POC1B: variants seen among roughly 807,000 people sequenced by gnomAD.
POC1B encodes the protein POC1 centriolar protein B.
A neutral mutation model predicts 60.6 loss-of-function variants in POC1B; 44 were observed. The ratio of observed to expected loss-of-function variants is 0.73; its 90% CI spans 0.57 to 0.93. The LOEUF is 0.93. Ranked by LOEUF, POC1B falls within the 40% of genes least tolerant of loss-of-function variation. The probability of loss-of-function intolerance (pLI) is 0.00; values close to 1 mark genes in which losing one functional copy is unlikely to be tolerated. For synonymous variants in POC1B, 180 were observed against 198.9 expected, an observed-to-expected ratio of 0.90 and a Z score of 0.80; for missense variants, 555 against 572.3, an observed-to-expected ratio of 0.97 and a Z score of 0.31.
intron 2 of POC1B, among the ~76,000 whole-genome samples, chr12:89,508,793 G>C (rs567600752): frequency 2.0e-5 from 3 of 152,326 alleles, no homozygotes; most frequent in Admixed American, 2.0e-4. Context: ...TTTATAAGGA[G>C]CTTCCCCACC....
chr12:89,525,523 G>C, intron 1 of POC1B: 1 of 1,307,762 alleles, frequency 7.6e-7, no homozygotes, highest in Middle Eastern at 2.9e-4. Context: ...AAGGCAGGCA[G>C]GTGCGAGGAT....
intron 4 of POC1B, among the ~76,000 whole-genome samples, chr12:89,487,935 C>T (rs1207710455): frequency 5.8e-5 from 4 of 69,064 alleles, no homozygotes; most frequent in Admixed American, 4.9e-4. Flanking sequence ...CATTTTATAA[C>T]TATTTAGTAT....
downstream of POC1B, among the ~76,000 whole-genome samples, chr12:89,417,293 C>G (rs1880379937): frequency 6.6e-6 from 1 of 152,146 alleles, no homozygotes; most frequent in South Asian, 2.1e-4. Context: ...TGGTCATATC[C>G]TAGGAAGACC....
chr12:89,500,565 C>T (rs911702140), intron 2 of POC1B: 7 of 1,605,994 alleles, frequency 4.4e-6, no homozygotes, highest in Non-Finnish European at 6.0e-6. Context: ...TCTGTTGGCT[C>T]ACCTTCTGTT....
chr12:89,501,371 G>A (rs1057132507), intron 2 of POC1B: 1 of 1,034,376 alleles, frequency 9.7e-7, no homozygotes, highest in African/African-American at 1.6e-5. Flanking sequence ...AAACAGAGAA[G>A]AAAATTTATG....
chr12:89,463,979 G>A (rs765792203), intron 9 of POC1B, among the ~76,000 whole-genome samples: 28 of 152,140 alleles, frequency 1.8e-4, no homozygotes, highest in Non-Finnish European at 3.5e-4. Flanking sequence ...CAATTCAGAT[G>A]AGTCTCATAG....
At chr12:89,402,945 C>T in the POC1B span, among the ~76,000 whole-genome samples, 3 of 151,990 alleles carry the variant, frequency 2.0e-5, no homozygotes, top group Non-Finnish European at 4.4e-5. Context: ...TCTGGAACTT[C>T]TGCCTCTGCC....
chr12:89,501,872 G>A, intron 2 of POC1B: 1 of 1,200,140 alleles, frequency 8.3e-7, no homozygotes, highest in Non-Finnish European at 1.2e-6. Flanking sequence ...GACAGCCAAA[G>A]AGTACAGAAG....
At chr12:89,450,253 G>A (rs1230315713) in intron 10 of POC1B, among the ~76,000 whole-genome samples, 1 of 151,874 alleles carries the variant, frequency 6.6e-6, no homozygotes, top group African/African-American at 2.4e-5. Flanking sequence ...TGTCGCCTGG[G>A]CTGGAGTGCA....
At chr12:89,523,939 C>G in intron 2 of POC1B, 1 of 1,612,706 alleles carries the variant, frequency 6.2e-7, no homozygotes, top group Non-Finnish European at 8.5e-7. Flanking sequence ...CAGCCCCTCT[C>G]GCTTATTGGT....
chr12:89,434,211 C>CGAA (rs1232713104), intron 10 of POC1B, among the ~76,000 whole-genome samples: 3 of 152,228 alleles, frequency 2.0e-5, no homozygotes, highest in African/African-American at 7.2e-5. Context: ...AAAGAACCTT[C>CGAA]AGCTTTGGGG....
intron 9 of POC1B, 186 bp from the exon 10 acceptor site, chr12:89,459,904 A>AAGATCGG: frequency 2.0e-6 from 1 of 501,240 alleles, no homozygotes; most frequent in Non-Finnish European, 3.5e-6. Context: ...ACGTATAAGA[A>AAGATCGG]AAGATCATTT....
At chr12:89,518,427 T>C (rs1343029970) in intron 2 of POC1B, among the ~76,000 whole-genome samples, 1 of 152,240 alleles carries the variant, frequency 6.6e-6, no homozygotes, top group African/African-American at 2.4e-5. Context: ...CACAGAGGCA[T>C]GCAAAGAGGT....
At chr12:89,511,205 C>T (rs1870169652) in intron 2 of POC1B, among the ~76,000 whole-genome samples, 1 of 151,616 alleles carries the variant, frequency 6.6e-6, no homozygotes, top group African/African-American at 2.4e-5. Context: ...GGTAGATCAC[C>T]TGAGGTCAGG....
At chr12:89,476,099 G>T (rs1019780444) in intron 4 of POC1B, among the ~76,000 whole-genome samples, 3 of 151,778 alleles carry the variant, frequency 2.0e-5, no homozygotes, top group Admixed American at 2.0e-4. Flanking sequence ...TAGAGACAGG[G>T]TTTCGCCATG....
the POC1B span, among the ~76,000 whole-genome samples, chr12:89,407,336 G>A: frequency 3.0e-4 from 45 of 151,816 alleles, no homozygotes; most frequent in Non-Finnish European, 5.3e-4. Context: ...GGGTTCAAGC[G>A]ATTCTTCTGC....
At position 89,468,835 on chromosome 12, in the gene POC1B, C is replaced by T. The variant is rs76489909; in HGVS notation, c.811-1150G>A. Among the ~76,000 whole-genome samples the T allele has an allele frequency of 2.3e-3, 356 of 152,022 alleles. 1 individual carries two copies. The highest frequency in any genetic ancestry group is 8.1e-3 in the African/African-American group (334 of 41,460). ...AACTCTTCTCTTCTAGACCACAAGGCTCATTCTATTTCTAGATATAAACAG... is the reference window on the plus strand; with the variant it reads ...AACTCTTCTCTTCTAGACCACAAGGTTCATTCTATTTCTAGATATAAACAG... On this transcript the variant is annotated intron_variant, in intron 7 of 11. Coordinates refer to ENST00000313546, the MANE Select transcript of POC1B (RefSeq NM_172240.3).
chr12:89,502,019 G>A (rs1869596302), intron 2 of POC1B: 5 of 986,274 alleles, frequency 5.1e-6, no homozygotes, highest in Non-Finnish European at 8.2e-6. Context: ...TCTACAGGAA[G>A]CTCAAAGAAT....
chr12:89,434,984 A>T, intron 10 of POC1B, among the ~76,000 whole-genome samples: 1 of 152,220 alleles, frequency 6.6e-6, no homozygotes. Context: ...AAGATCTATC[A>T]TCTATTTTAA....
Sources: allele counts gnomAD v4.1 joint callset (sites outside exome capture counted in the v4.1 genomes callset), GRCh38; gene constraint gnomAD v4.1.1; transcripts MANE v1.5; gene names NCBI Gene and HGNC (gene_info 2026-07-23, HGNC 2026-07-21).